SLAIN1: variants seen among roughly 807,000 people sequenced by gnomAD.
SLAIN1 encodes SLAIN motif-containing protein 1.
Under a neutral mutation model 55.4 loss-of-function variants are expected in SLAIN1, and 17 were observed. That is an observed-to-expected ratio of 0.31 (90% CI 0.21 to 0.46). The LOEUF is 0.46. Ranked by LOEUF, SLAIN1 falls within the 20% of genes least tolerant of loss-of-function variation. The pLI is 1.00. For synonymous variants in SLAIN1, 348 were observed against 337.4 expected (o/e 1.03, Z -0.35); for missense variants, 682 against 785.1 (o/e 0.87, Z 1.57).
chr13:77,730,459 C>G (rs1009918650), intron 2 of SLAIN1, among the ~76,000 whole-genome samples: 1 of 151,928 alleles, frequency 6.6e-6, no homozygotes, highest in African/African-American at 2.4e-5. Flanking sequence ...CATTAATATC[C>G]CAAATTTCTT....
At chr13:77,731,934 G>A (rs559385639) in intron 2 of SLAIN1, among the ~76,000 whole-genome samples, 53 of 152,174 alleles carry the variant, frequency 3.5e-4, no homozygotes, top group African/African-American at 1.2e-3. Flanking sequence ...CCTGGGTGGG[G>A]AAGGAAAAGA....
At chr13:77,705,633 G>T (rs930038676) in intron 1 of SLAIN1, among the ~76,000 whole-genome samples, 1 of 149,158 alleles carries the variant, frequency 6.7e-6, no homozygotes, top group African/African-American at 2.5e-5. Flanking sequence ...AGCTATATAG[G>T]AGAAATACAG....
intron 2 of SLAIN1, among the ~76,000 whole-genome samples, chr13:77,725,085 A>G (rs888172331): frequency 2.0e-5 from 3 of 152,210 alleles, no homozygotes; most frequent in Admixed American, 6.5e-5. Flanking sequence ...TTTGAGCCCA[A>G]TGTAACTATT....
At chr13:77,714,589 G>A (rs982280116) in intron 1 of SLAIN1, among the ~76,000 whole-genome samples, 5 of 152,058 alleles carry the variant, frequency 3.3e-5, no homozygotes, top group African/African-American at 1.2e-4. Context: ...CTCCAGCCTG[G>A]GTGACAGAGC....
At chr13:77,713,628 C>G (rs1223937213) in intron 1 of SLAIN1, among the ~76,000 whole-genome samples, 4 of 152,146 alleles carry the variant, frequency 2.6e-5, no homozygotes, top group African/African-American at 9.7e-5. Flanking sequence ...CCTCAAGGAT[C>G]TAGAACCAGA....
chr13:77,726,793 C>T (rs949282872), intron 2 of SLAIN1, among the ~76,000 whole-genome samples: 7 of 152,146 alleles, frequency 4.6e-5, no homozygotes, highest in African/African-American at 1.7e-4. Flanking sequence ...TCAGATTTTA[C>T]AATTTATAAA....
intron 2 of SLAIN1, among the ~76,000 whole-genome samples, chr13:77,725,859 GT>G (rs2091302914): frequency 6.6e-6 from 1 of 152,154 alleles, no homozygotes; most frequent in Non-Finnish European, 1.5e-5. Flanking sequence ...GTAAGGGTTT[GT>G]CAAGGTTGGT....
At chr13:77,755,797 C>G (rs1874559632) in intron 5 of SLAIN1, among the ~76,000 whole-genome samples, 1 of 152,052 alleles carries the variant, frequency 6.6e-6, no homozygotes, top group Admixed American at 6.6e-5. Flanking sequence ...TGAGAGAAAG[C>G]CCCCAAGAAG....
intron 1 of SLAIN1, chr13:77,699,265 A>G: frequency 2.9e-6 from 1 of 349,870 alleles, no homozygotes. Context: ...TTTTTTACCT[A>G]GGAACCAACG....
intron 1 of SLAIN1, among the ~76,000 whole-genome samples, chr13:77,709,055 C>T (rs1311472668): frequency 2.0e-5 from 3 of 151,790 alleles, no homozygotes; most frequent in Non-Finnish European, 2.9e-5. Context: ...ACAACCAGTT[C>T]AGGGAAGAAC....
intron 2 of SLAIN1, among the ~76,000 whole-genome samples, chr13:77,734,847 C>T (rs550817179): frequency 6.6e-6 from 1 of 151,928 alleles, no homozygotes; most frequent in Admixed American, 6.6e-5. Context: ...TGGTGAAACC[C>T]CCTCTCTACT....
At chr13:77,738,057 G>A (rs78898717) in intron 2 of SLAIN1, among the ~76,000 whole-genome samples, 4 of 152,108 alleles carry the variant, frequency 2.6e-5, no homozygotes, top group South Asian at 4.1e-4. Context: ...GTGTGTATCT[G>A]TGGAAGATAT....
chr13:77,709,048 A>G (rs1759987), intron 1 of SLAIN1, among the ~76,000 whole-genome samples: 17,202 of 151,876 alleles, frequency 0.11, 1,005 homozygotes, highest in East Asian at 0.13. Context: ...AACTAGAACA[A>G]CCAGTTCAGG....
chr13:77,699,029 C>T (rs192667327), intron 1 of SLAIN1: 20 of 1,535,386 alleles, frequency 1.3e-5, no homozygotes, highest in African/African-American at 2.7e-5. Flanking sequence ...TCGGAAGCCG[C>T]GCAGTGATGG....
At chr13:77,711,520 A>T (rs2091150365) in intron 1 of SLAIN1, among the ~76,000 whole-genome samples, 1 of 152,160 alleles carries the variant, frequency 6.6e-6, no homozygotes, top group Non-Finnish European at 1.5e-5. Context: ...CCCAGACTAA[A>T]CCAGGAAGAA....
chr13:77,761,773 C>T (rs912554796), intron 6 of SLAIN1, among the ~76,000 whole-genome samples: 2 of 151,646 alleles, frequency 1.3e-5, no homozygotes, highest in Non-Finnish European at 2.9e-5. Context: ...CTTCAAAGGA[C>T]ATTTAGTCTA....
chr13:77,728,166 C>G (rs543793266), intron 2 of SLAIN1, among the ~76,000 whole-genome samples: 1 of 152,234 alleles, frequency 6.6e-6, no homozygotes, highest in African/African-American at 2.4e-5. Context: ...ATCTTTCTAA[C>G]CCCCCTCTAC....
At chr13:77,744,558 A>G (rs1009618711) in intron 3 of SLAIN1, 126 bp downstream of exon 3, 2 of 1,481,330 alleles carry the variant, frequency 1.4e-6, no homozygotes, top group Non-Finnish European at 1.8e-6. Flanking sequence ...ATACTGTCCT[A>G]CTTTTTAGGT....
intron 2 of SLAIN1, among the ~76,000 whole-genome samples, chr13:77,740,209 A>G (rs940204105): frequency 1.3e-5 from 2 of 152,106 alleles, no homozygotes; most frequent in Non-Finnish European, 2.9e-5. Flanking sequence ...GATGAGAGTA[A>G]CACAGTTAAA....
Sources: gnomAD v4.1 joint callset for allele counts (sites outside exome capture counted in the v4.1 genomes callset) on GRCh38, gnomAD v4.1.1 for gene constraint, MANE v1.5 for transcripts, NCBI Gene and HGNC (gene_info 2026-07-23, HGNC 2026-07-21) for gene names.